The following RARB variants were observed in gnomAD, a reference collection of about 807,000 sequenced individuals.
RARB encodes the protein HBV-activated protein.
Under a neutral mutation model 51.9 loss-of-function variants are expected in RARB, and 17 were observed. The observed-to-expected ratio is 0.33, with a 90% confidence interval of 0.22 to 0.49. The LOEUF is 0.49. Ranked by LOEUF, RARB falls within the 20% of genes least tolerant of loss-of-function variation. The pLI, the probability that RARB is intolerant of heterozygous loss-of-function variation, is 0.99. For synonymous variants in RARB, 215 were observed against 195.4 expected (o/e 1.10, Z -0.84); for missense variants, 369 against 550.8 (o/e 0.67, Z 3.30).
chr3:25,201,578 A>T (rs1388149744), intron 5 of RARB, among the ~76,000 whole-genome samples: 1 of 152,162 alleles, frequency 6.6e-6, no homozygotes, highest in African/African-American at 2.4e-5. Flanking sequence ...TGTCATAAAT[A>T]GCTCTTATTA....
chr3:24,943,362 G>A (rs563219975), intron 2 of RARB, among the ~76,000 whole-genome samples: 4 of 152,204 alleles, frequency 2.6e-5, no homozygotes, highest in South Asian at 4.1e-4. Context: ...TCTTGTTATC[G>A]TAAATGGAAT....
intron 2 of RARB, among the ~76,000 whole-genome samples, chr3:24,883,394 G>GTGTGTGTGTGTT (rs1491051638): frequency 6.8e-6 from 1 of 147,180 alleles, no homozygotes; most frequent in Admixed American, 6.7e-5. Context: ...GTGTGTGTGT[G>GTGTGTGTGTGTT]TTTAAACCAC....
chr3:25,046,643 C>G (rs555337817), intron 2 of RARB, among the ~76,000 whole-genome samples: 1 of 151,784 alleles, frequency 6.6e-6, no homozygotes, highest in Admixed American at 6.6e-5. Flanking sequence ...TTGATAGAGA[C>G]GGGGTTTCAC....
intron 2 of RARB, chr3:25,020,525 G>C (rs898347313): frequency 1.3e-5 from 2 of 152,060 alleles, no homozygotes; most frequent in Non-Finnish European, 2.9e-5. Context: ...ATCCTGTTTG[G>C]AGAAAGCAAA....
intron 3 of RARB, among the ~76,000 whole-genome samples, chr3:25,537,039 A>C (rs560099089): frequency 2.1e-4 from 32 of 152,362 alleles, no homozygotes; most frequent in Non-Finnish European, 3.4e-4. Flanking sequence ...CCGGATCAAA[A>C]AGCTGACTCC....
intron 5 of RARB, among the ~76,000 whole-genome samples, chr3:25,365,132 G>C (rs893766239): frequency 2.0e-5 from 3 of 150,682 alleles, no homozygotes; most frequent in African/African-American, 7.3e-5. Flanking sequence ...TGGGCTTCTA[G>C]CTTCCTATCC....
At chr3:25,207,675 G>C (rs901001951) in intron 5 of RARB, among the ~76,000 whole-genome samples, 1 of 152,106 alleles carries the variant, frequency 6.6e-6, no homozygotes, top group Non-Finnish European at 1.5e-5. Context: ...CCTGTAAAGA[G>C]TTTTGTTTGT....
intron 5 of RARB, among the ~76,000 whole-genome samples, chr3:25,205,941 A>T (rs926771931): frequency 1.3e-5 from 2 of 152,102 alleles, no homozygotes; most frequent in Non-Finnish European, 2.9e-5. Flanking sequence ...CAACTTTAGT[A>T]TAAAATAGGC....
intron 3 of RARB, among the ~76,000 whole-genome samples, chr3:25,078,527 A>G (rs1479038397): frequency 9.5e-6 from 1 of 105,794 alleles, no homozygotes; most frequent in Admixed American, 1.3e-4. Flanking sequence ...AAGTCCTCCA[A>G]CTTTCTATTT....
intron 3 of RARB, among the ~76,000 whole-genome samples, chr3:25,507,210 A>C (rs549679094): frequency 9.2e-5 from 14 of 152,368 alleles, no homozygotes; most frequent in African/African-American, 3.1e-4. Context: ...CTCACCTTGT[A>C]GCCCCTGAAT....
chr3:25,547,413 T>C (rs573020002), intron 3 of RARB, among the ~76,000 whole-genome samples: 1 of 152,336 alleles, frequency 6.6e-6, no homozygotes, highest in South Asian at 2.1e-4. Context: ...CCCTGGTAAA[T>C]GCTCAATAAT....
At chr3:24,830,674 T>A (rs1013839344) in intron 1 of RARB, among the ~76,000 whole-genome samples, 22 of 151,252 alleles carry the variant, frequency 1.5e-4, no homozygotes, top group African/African-American at 5.1e-4. Context: ...GGTGTGTGTG[T>A]GTGTGTGTGT....
At chr3:24,903,162 G>C (rs965544580) in intron 2 of RARB, among the ~76,000 whole-genome samples, 2 of 151,956 alleles carry the variant, frequency 1.3e-5, no homozygotes, top group Non-Finnish European at 2.9e-5. Context: ...TTCTGACATA[G>C]ATAACTGTAA....
At chr3:24,907,021 T>A (rs1694882097) in intron 2 of RARB, among the ~76,000 whole-genome samples, 1 of 152,154 alleles carries the variant, frequency 6.6e-6, no homozygotes, top group Non-Finnish European at 1.5e-5. Context: ...CCAGTAGGAA[T>A]ATCTGGGGCT....
intron 2 of RARB, among the ~76,000 whole-genome samples, chr3:24,910,728 G>A (rs962412097): frequency 5.3e-5 from 8 of 152,122 alleles, no homozygotes; most frequent in African/African-American, 1.4e-4. Context: ...ACCCTGGGGA[G>A]TCTTCATTAT....
chr3:25,447,157 ACTGG>A (rs1708985005), intron 1 of RARB, among the ~76,000 whole-genome samples: 3 of 152,218 alleles, frequency 2.0e-5, no homozygotes, highest in African/African-American at 7.2e-5. Flanking sequence ...ATTCTGCTGA[ACTGG>A]CTGAAAGTAT....
chr3:24,911,746 A>G (rs1485619556), intron 2 of RARB, among the ~76,000 whole-genome samples: 1 of 152,190 alleles, frequency 6.6e-6, no homozygotes, highest in African/African-American at 2.4e-5. Context: ...TGAGGCCAGG[A>G]GTTCAAGATC....
At chr3:25,171,179 G>A (rs1302260155) in intron 4 of RARB, among the ~76,000 whole-genome samples, 1 of 151,918 alleles carries the variant, frequency 6.6e-6, no homozygotes, top group African/African-American at 2.4e-5. Context: ...TTCTAACCCA[G>A]TCCCTACTTC....
intron 3 of RARB, among the ~76,000 whole-genome samples, chr3:25,549,616 T>C (rs1044914561): frequency 2.6e-5 from 4 of 152,120 alleles, no homozygotes; most frequent in African/African-American, 9.7e-5. Flanking sequence ...CTTGAAACAT[T>C]AGTGCTTTTT....
Sources: allele counts gnomAD v4.1 joint callset (sites outside exome capture counted in the v4.1 genomes callset), GRCh38; gene constraint gnomAD v4.1.1; transcripts MANE v1.5; gene names NCBI Gene and HGNC (gene_info 2026-07-23, HGNC 2026-07-21).